The following ZNF462 variants were observed in gnomAD, a reference collection of about 807,000 sequenced individuals.
ZNF462 encodes zinc finger PBX1-interacting protein.
ZNF462 carries 10 observed loss-of-function variants against 201.9 expected under a neutral mutation model. The ratio of observed to expected loss-of-function variants is 0.05; its 90% CI spans 0.03 to 0.08. ZNF462 has a LOEUF of 0.08. Among genes scored for constraint, ZNF462 ranks in the 10% least tolerant of loss-of-function variants. The pLI is 1.00. For synonymous variants in ZNF462, 1,227 were observed against 1,193.3 expected (o/e 1.03, Z -0.58); for missense variants, 2,523 against 3,168.3 (o/e 0.80, Z 4.89).
intron 1 of ZNF462, among the ~76,000 whole-genome samples, chr9:106,897,850 G>T (rs914099721): frequency 6.6e-6 from 1 of 152,074 alleles, no homozygotes; most frequent in African/African-American, 2.4e-5. Context: ...CCATGGATTC[G>T]CCTCCAGCCA....
intron 10 of ZNF462, among the ~76,000 whole-genome samples, chr9:106,988,091 T>A (rs1477716111): frequency 6.6e-6 from 1 of 152,114 alleles, no homozygotes; most frequent in Non-Finnish European, 1.5e-5. Flanking sequence ...AATCAGATAG[T>A]GTGATTGTAG....
At position 106,924,817 on chromosome 9, in the gene ZNF462, A is replaced by G. The variant is rs1830124510; in HGVS notation, c.905A>G (p.Tyr302Cys). 5 of 1,614,088 alleles carry G rather than the reference A, an allele frequency of 3.1e-6. No individual in the cohort carries two copies. The highest frequency in any genetic ancestry group is 4.2e-6 in the Non-Finnish European group (5 of 1,180,018). Residue 302 changes from tyrosine to cysteine, a missense_variant, in exon 3 of 13, where the codon TAT (tyrosine) becomes TGT (cysteine). Transcript: ENST00000277225. This position sits in a 1 kb window ranked among gnomAD's most constrained non-coding sequence, Gnocchi z 6.2. ...SAPSPTSNST[Y>C]LTMNAASREI... ...CCCAGCCCCACTTCCAACTCCACCTATCTGACCATGAATGCTGCAAGCCGG... is the reference window on the plus strand; with the variant it reads ...CCCAGCCCCACTTCCAACTCCACCTGTCTGACCATGAATGCTGCAAGCCGG...
chr9:106,889,858 G>C (rs10124856), intron 1 of ZNF462, among the ~76,000 whole-genome samples: 14,897 of 152,124 alleles, frequency 0.098, 727 homozygotes, highest in East Asian at 0.15. Context: ...ATCTTTATTT[G>C]CTGACGATCA....
intron 1 of ZNF462, 38 bp downstream of exon 1, chr9:106,863,393 C>T: frequency 2.6e-6 from 1 of 391,958 alleles, no homozygotes; most frequent in Non-Finnish European, 4.5e-6. Context: ...CGGGGTGGTC[C>T]GAGTGCTCCG....
chr9:106,989,739 G>C (rs750360998), intron 10 of ZNF462, among the ~76,000 whole-genome samples: 1 of 152,000 alleles, frequency 6.6e-6, no homozygotes, highest in Non-Finnish European at 1.5e-5. Context: ...TCTGTTCAGG[G>C]TATCTAATTC....
chr9:106,929,766 A>G lies in ZNF462; in HGVS notation c.5847+7A>G. On this transcript the variant is annotated splice_region_variant and intron_variant, in intron 3 of 12. Coordinates refer to ENST00000277225, the MANE Select transcript of ZNF462 (RefSeq NM_021224.6). This position sits in a 1 kb window ranked among gnomAD's most constrained non-coding sequence, Gnocchi z 8.7. ...AGATTTCAAACAAGAGAGGGTAAGG[A>G]TATGTTTTGATTTCCCTTCCCCCAG... The G allele has an allele frequency of 6.3e-7, 1 of 1,599,980 alleles. No individual in the cohort carries two copies. Among genetic ancestry groups the G allele is most frequent in the Non-Finnish European group, 8.5e-7 (1 of 1,172,286 alleles).
Position 107,006,781 on chromosome 9 carries a change from A to G in ZNF462, c.7190-2764A>G, listed in dbSNP as rs1375022733. ...GTCAGCAGGAAATGACAGCCAAGGT[A>G]CACTACCCTTTCAAAAACCCTGTGC... On this transcript the variant is annotated intron_variant, in intron 11 of 12. Transcript: ENST00000277225. The surrounding 1 kb of genome is among the most constrained non-coding windows in gnomAD (Gnocchi z 4.3). Among the ~76,000 whole-genome samples, 1 of 152,182 alleles carries G rather than the reference A, an allele frequency of 6.6e-6. No individual in the cohort carries two copies. Among genetic ancestry groups the G allele is most frequent in the Admixed American group, 6.5e-5 (1 of 15,276 alleles).
At position 106,932,962 on chromosome 9, in the gene ZNF462, C is replaced by T. The variant is rs560689440; in HGVS notation, c.6116+413C>T. Reference sequence around the variant, plus strand: ...CTATTAACCCATGTGACCAAAGAAACATTGCTTGCAATTTTTCAAAAGATC... The same window carrying T: ...CTATTAACCCATGTGACCAAAGAAATATTGCTTGCAATTTTTCAAAAGATC... On this transcript the variant is annotated intron_variant, in intron 5 of 12. Coordinates refer to ENST00000277225, the MANE Select transcript of ZNF462 (RefSeq NM_021224.6). The surrounding 1 kb of genome is among the most constrained non-coding windows in gnomAD (Gnocchi z 6.8). Among the ~76,000 whole-genome samples, 3 of 152,286 alleles carry T rather than the reference C, an allele frequency of 2.0e-5. No individual in the cohort carries two copies. The East Asian group carries it at 5.8e-4, about 29-fold the overall frequency.
chr9:106,863,048 GGAGGA>G (rs1564061223), upstream of ZNF462: 1 of 394,700 alleles, frequency 2.5e-6, no homozygotes, highest in Non-Finnish European at 4.5e-6. Context: ...CGAGGGAGAG[GGAGGA>G]GAGGAGAGAG....
Position 107,010,745 on chromosome 9 carries a change from G to A in ZNF462, c.7314-78G>A, listed in dbSNP as rs1829887380. 6 of 1,333,096 alleles carry A rather than the reference G, an allele frequency of 4.5e-6. No individual in the cohort carries two copies. Among genetic ancestry groups the A allele is most frequent in the Non-Finnish European group, 6.0e-6 (6 of 992,704 alleles). 82.6% of individuals were successfully genotyped at this position (1,333,096 alleles called of 1,614,324 possible). A position where few individuals can be genotyped will look rare whatever the true frequency, so the allele number is the denominator to read the frequency against. On this transcript the variant is annotated intron_variant, in intron 12 of 12. Transcript: ENST00000277225. The surrounding 1 kb of genome is among the most constrained non-coding windows in gnomAD (Gnocchi z 4.6). ...GATCAGGAAAATAAAGACACTCGAG[G>A]GTTTTTATTATTTTTTTGTTTAAAA...
At chr9:106,862,381 G>A (rs967166152), upstream of ZNF462, among the ~76,000 whole-genome samples, 3 of 152,130 alleles carry the variant, frequency 2.0e-5, no homozygotes, top group African/African-American at 7.2e-5. This position sits in a 1 kb window ranked among gnomAD's most constrained non-coding sequence, Gnocchi z 4.2. Context: ...GAGCTGCCGG[G>A]CAGGGTCCTC....
intron 1 of ZNF462, among the ~76,000 whole-genome samples, chr9:106,887,039 CAT>C (rs1490214849): frequency 6.6e-6 from 1 of 152,180 alleles, no homozygotes; most frequent in Admixed American, 6.5e-5. Flanking sequence ...TTCATGAAGA[CAT>C]CCTATTTCCA....
intron 1 of ZNF462, among the ~76,000 whole-genome samples, chr9:106,893,741 A>G (rs1828690848): frequency 6.6e-6 from 1 of 152,126 alleles, no homozygotes. Flanking sequence ...TCCTCACTAT[A>G]TTGTTGTGCA....
At chr9:106,956,972 A>G (rs187520769) in intron 7 of ZNF462, among the ~76,000 whole-genome samples, 1 of 152,090 alleles carries the variant, frequency 6.6e-6, no homozygotes, top group African/African-American at 2.4e-5. Context: ...AGCAATAAGG[A>G]TGTTTTGTTT....
At chr9:106,990,913 G>A (rs1828224256) in intron 10 of ZNF462, among the ~76,000 whole-genome samples, 1 of 152,072 alleles carries the variant, frequency 6.6e-6, no homozygotes, top group South Asian at 2.1e-4. Context: ...GACAGCCAGT[G>A]GAATTATGTG....
Position 106,981,732 on chromosome 9 carries a change from G to A in ZNF462, c.6833-2454G>A, listed in dbSNP as rs1418689852. Among the ~76,000 whole-genome samples, 1 of 152,160 alleles carries A rather than the reference G, an allele frequency of 6.6e-6. No individual in the cohort carries two copies. Among genetic ancestry groups the A allele is most frequent in the Non-Finnish European group, 1.5e-5 (1 of 68,032 alleles). On this transcript the variant is annotated intron_variant, in intron 9 of 12. Coordinates refer to ENST00000277225, the MANE Select transcript of ZNF462 (RefSeq NM_021224.6). The surrounding 1 kb of genome is among the most constrained non-coding windows in gnomAD (Gnocchi z 4.0). ...AAAGAAAACCAACCTAAGTGGTAGA[G>A]GAATTGAAAAGGAGGCTCATAAAAA...
chr9:106,961,775 G>A (rs747151892), intron 7 of ZNF462, among the ~76,000 whole-genome samples: 5 of 151,936 alleles, frequency 3.3e-5, no homozygotes, highest in Non-Finnish European at 5.9e-5. Context: ...GTCTAAGGGG[G>A]GAATTTAATA....
At chr9:106,899,369 A>G (rs1339823225) in intron 1 of ZNF462, among the ~76,000 whole-genome samples, 1 of 152,146 alleles carries the variant, frequency 6.6e-6, no homozygotes, top group Non-Finnish European at 1.5e-5. Flanking sequence ...CTATCAGACC[A>G]TCTCGCAGAT....
In ZNF462 at chr9:106,867,425, A is replaced by G. The variant is rs566913712; in HGVS notation, c.-31+4070A>G. Among the ~76,000 whole-genome samples the G allele has an allele frequency of 3.3e-5, 5 of 152,276 alleles. No homozygotes were observed. In the South Asian group the frequency reaches 1.0e-3, roughly 32 times the overall value. On this transcript the variant is annotated intron_variant, in intron 1 of 12. Coordinates refer to ENST00000277225, the MANE Select transcript of ZNF462 (RefSeq NM_021224.6). The stretch of plus-strand genomic sequence containing the variant: ...CATGGAGAAATATTTGCGAGCTATG[A>G]TGCATCCTGCCATAAAAAAATTCTT...
Sources: gnomAD v4.1 joint callset for allele counts (sites outside exome capture counted in the v4.1 genomes callset) on GRCh38, gnomAD v4.1.1 for gene constraint, Gnocchi (gnomAD v3.1) non-coding constraint, MANE v1.5 for transcripts, NCBI Gene and HGNC (gene_info 2026-07-23, HGNC 2026-07-21) for gene names.